RAPGEF5: variants seen among roughly 807,000 people sequenced by gnomAD.
RAPGEF5 encodes the protein M-Ras-regulated GEF.
RAPGEF5 carries 65 observed loss-of-function variants against 125.2 expected under a neutral mutation model. The ratio of observed to expected loss-of-function variants is 0.52; its 90% CI spans 0.43 to 0.64. The LOEUF is 0.64. Among genes scored for constraint, RAPGEF5 ranks in the 30% least tolerant of loss-of-function variants. RAPGEF5 has a pLI of 0.00. For synonymous variants in RAPGEF5, 391 were observed against 385.9 expected, an observed-to-expected ratio of 1.01 and a Z score of -0.16; for missense variants, 958 against 1,048.1, an observed-to-expected ratio of 0.91 and a Z score of 1.19.
rs368254692 is a variant in RAPGEF5, at chr7:22,150,429, C to T, written c.1862G>A (p.Arg621Gln). The stretch of plus-strand genomic sequence containing the variant: ...TACCAAAGTGTCCGCCAGGTCTTTC[C>T]GGTAGACATATATTCGACCAGATGC... ...LEASGRIYVY[R>Q]KDLADTLNPF... Residue 621 changes from arginine to glutamine, a missense_variant, in exon 18 of 26, where the codon CGG becomes CAG. Arg to Gln is a conservative substitution (Grantham distance 43). Coordinates refer to ENST00000665637, the MANE Select transcript of RAPGEF5 (RefSeq NM_012294.5). The T allele has an allele frequency of 5.8e-5, 94 of 1,607,590 alleles. No homozygotes were observed. Among genetic ancestry groups the T allele is most frequent in the Non-Finnish European group, 7.0e-5 (82 of 1,177,694 alleles).
At chr7:22,130,469 G>C (rs981892992) in intron 24 of RAPGEF5, among the ~76,000 whole-genome samples, 1 of 152,172 alleles carries the variant, frequency 6.6e-6, no homozygotes, top group Non-Finnish European at 1.5e-5. Flanking sequence ...TGCCTGAGCC[G>C]CTCTGGCCGT....
intron 22 of RAPGEF5, among the ~76,000 whole-genome samples, chr7:22,136,696 T>C (rs1194821868): frequency 6.6e-6 from 1 of 152,172 alleles, no homozygotes; most frequent in Admixed American, 6.5e-5. Flanking sequence ...AAGCCTGCCT[T>C]CTGAAAAAAT....
chr7:22,131,020 T>C lies in RAPGEF5; in HGVS notation c.2481+17A>G, dbSNP rs1003410118. 2 of 1,540,544 alleles carry C rather than the reference T, an allele frequency of 1.3e-6. No individual in the cohort carries two copies. The highest frequency in any genetic ancestry group is 2.0e-5 in the Admixed American group (1 of 49,554). ...TCTGTTACTGTAAAAAAGGGAGAAG[T>C]AATGAAATTTACGTACCAGCTTTTC... On this transcript the variant is annotated intron_variant, in intron 24 of 25. Coordinates refer to ENST00000665637, the MANE Select transcript of RAPGEF5 (RefSeq NM_012294.5).
chr7:22,291,118 T>G, intron 6 of RAPGEF5, 57 bp downstream of exon 6: 1 of 1,507,836 alleles, frequency 6.6e-7, no homozygotes, highest in Non-Finnish European at 8.8e-7. Flanking sequence ...ACTTCCCTTC[T>G]AGGACCCCAG....
At chr7:22,146,731 T>C (rs920403336) in intron 19 of RAPGEF5, among the ~76,000 whole-genome samples, 166 bp downstream of exon 19, 1 of 152,234 alleles carries the variant, frequency 6.6e-6, no homozygotes, top group South Asian at 2.1e-4. Context: ...TCACATATTC[T>C]GATTTTTTTA....
At chr7:22,158,702 T>C (rs944591081) in intron 14 of RAPGEF5, among the ~76,000 whole-genome samples, 3 of 6,898 alleles carry the variant, frequency 4.3e-4, no homozygotes, top group Non-Finnish European at 7.2e-4. Context: ...CACTCTTCAC[T>C]GCAGCCTTGA....
intron 7 of RAPGEF5, among the ~76,000 whole-genome samples, chr7:22,261,329 T>C (rs1465876571): frequency 6.6e-6 from 1 of 152,006 alleles, no homozygotes; most frequent in Non-Finnish European, 1.5e-5. Context: ...ATATTACTGA[T>C]ATAAAATTTA....
chr7:22,315,561 AT>A (rs1783571727), intron 2 of RAPGEF5, 85 bp from the exon 3 acceptor site: 3 of 605,994 alleles, frequency 5.0e-6, no homozygotes, highest in Admixed American at 1.2e-4. Flanking sequence ...ATATATATAT[AT>A]ATATATTTAT....
intron 8 of RAPGEF5, among the ~76,000 whole-genome samples, chr7:22,228,420 T>C (rs1041029858): frequency 1.3e-5 from 2 of 152,110 alleles, no homozygotes; most frequent in Non-Finnish European, 2.9e-5. Context: ...TGCCTAAGTG[T>C]TATATACAAT....
At position 22,293,535 on chromosome 7, in the gene RAPGEF5, C is replaced by T. The variant is rs915616188; in HGVS notation, c.681-2294G>A. On this transcript the variant is annotated intron_variant, in intron 5 of 25. Coordinates refer to ENST00000665637, the MANE Select transcript of RAPGEF5 (RefSeq NM_012294.5). ...GACAAGCTTGTCTCTGGCTTCTCTT[C>T]TTGTACCCAGATGCCTAAAGATATC... Among the ~76,000 whole-genome samples the T allele has an allele frequency of 5.3e-5, 8 of 152,278 alleles. No individual in the cohort carries two copies. The East Asian group carries it at 1.2e-3, about 22-fold the overall frequency.
chr7:22,260,478 T>G (rs1355575377), intron 7 of RAPGEF5, among the ~76,000 whole-genome samples: 1 of 149,294 alleles, frequency 6.7e-6, no homozygotes, highest in Non-Finnish European at 1.5e-5. Flanking sequence ...AAAGAGAAAT[T>G]TCATTAAAGA....
intron 7 of RAPGEF5, among the ~76,000 whole-genome samples, chr7:22,257,256 T>C (rs890121485): frequency 1.3e-5 from 2 of 152,212 alleles, no homozygotes; most frequent in Admixed American, 6.5e-5. Context: ...TAGCTTATTT[T>C]TCTTCTCCTT....
At chr7:22,223,708 CAG>C (rs1785847142) in intron 8 of RAPGEF5, among the ~76,000 whole-genome samples, 1 of 152,050 alleles carries the variant, frequency 6.6e-6, no homozygotes, top group Non-Finnish European at 1.5e-5. Flanking sequence ...ACAGGAGAGA[CAG>C]TGAAATACAG....
chr7:22,160,731 G>A (rs547717124), intron 13 of RAPGEF5, 116 bp from the exon 14 acceptor site: 212 of 1,246,058 alleles, frequency 1.7e-4, no homozygotes, highest in Non-Finnish European at 1.9e-4. Context: ...GACAATGTAC[G>A]GGTTTCACCA....
At chr7:22,316,350 T>TACAG (rs375099322) in intron 2 of RAPGEF5, among the ~76,000 whole-genome samples, 2 of 145,092 alleles carry the variant, frequency 1.4e-5, no homozygotes, top group African/African-American at 5.1e-5. Context: ...GTATCTACTA[T>TACAG]ATAGATAGAT....
intron 7 of RAPGEF5, among the ~76,000 whole-genome samples, chr7:22,252,044 T>C (rs1022273926): frequency 7.9e-5 from 12 of 152,178 alleles, no homozygotes; most frequent in African/African-American, 2.7e-4. Context: ...GGAGCTGCAA[T>C]GCTGGAAGCT....
At chr7:22,129,043 G>T (rs532456702) in intron 24 of RAPGEF5, among the ~76,000 whole-genome samples, 21 of 152,228 alleles carry the variant, frequency 1.4e-4, no homozygotes, top group South Asian at 4.1e-4. Context: ...GCGTTAAGAG[G>T]CTTCTGCTGG....
At chr7:22,174,882 T>C (rs781574542) in intron 11 of RAPGEF5, among the ~76,000 whole-genome samples, 3 of 152,152 alleles carry the variant, frequency 2.0e-5, no homozygotes, top group Non-Finnish European at 2.9e-5. Context: ...AGGAAAGCTA[T>C]TAGGAAAAAA....
intron 9 of RAPGEF5, among the ~76,000 whole-genome samples, chr7:22,200,402 G>A (rs1465536122): frequency 6.6e-6 from 1 of 152,176 alleles, no homozygotes; most frequent in Non-Finnish European, 1.5e-5. Flanking sequence ...GTCAAGGTGA[G>A]CCACTTAGAC....
Sources: gnomAD v4.1 joint callset for allele counts (sites outside exome capture counted in the v4.1 genomes callset) on GRCh38, gnomAD v4.1.1 for gene constraint, MANE v1.5 for transcripts, NCBI Gene and HGNC (gene_info 2026-07-23, HGNC 2026-07-21) for gene names.